Variants in ADK observed in about 807,000 individuals in gnomAD.
ADK encodes the protein N6,N6-dimethyladenosine kinase.
In ADK, 24 loss-of-function variants were observed where a neutral mutation model predicts 44.7. That is an observed-to-expected ratio of 0.54 (90% CI 0.39 to 0.76). ADK has a LOEUF of 0.76. ADK is among the 30% of genes least tolerant of loss of function. The pLI is 0.00. For synonymous variants in ADK, 128 were observed against 142.6 expected, an observed-to-expected ratio of 0.90 and a Z score of 0.73; for missense variants, 321 against 425.1, an observed-to-expected ratio of 0.76 and a Z score of 2.15.
rs367659598 is a variant in ADK at position 74,440,795 on chromosome 10, G to A, written c.555+42216G>A. On this transcript the variant is annotated intron_variant, in intron 6 of 10. Transcript: ENST00000539909. Reference sequence around the variant, plus strand: ...GAGGGTTGAATAGTATTCTTCCATTGTATATCTTAGGGAGGCATTATAAAG... The same window carrying A: ...GAGGGTTGAATAGTATTCTTCCATTATATATCTTAGGGAGGCATTATAAAG... Among the ~76,000 whole-genome samples, 193 of 152,128 alleles carry A rather than the reference G, an allele frequency of 1.3e-3. 4 individuals carry two copies. The South Asian group carries it at 0.039, about 30-fold the overall frequency.
chr10:74,616,250 T>A (rs1431024842), intron 9 of ADK, among the ~76,000 whole-genome samples: 2 of 152,228 alleles, frequency 1.3e-5, no homozygotes, highest in Non-Finnish European at 2.9e-5. Flanking sequence ...GTTTTCCCCT[T>A]ATGATTAATG....
chr10:74,504,698 A>G (rs1847988860), intron 6 of ADK, among the ~76,000 whole-genome samples: 2 of 152,138 alleles, frequency 1.3e-5, no homozygotes, highest in South Asian at 4.1e-4. Flanking sequence ...GGAGGTCATT[A>G]GATCATGGGG....
intron 6 of ADK, among the ~76,000 whole-genome samples, chr10:74,521,329 A>G (rs1433457802): frequency 6.6e-6 from 1 of 152,214 alleles, no homozygotes; most frequent in Non-Finnish European, 1.5e-5. Flanking sequence ...AATTGACATC[A>G]TACTATCCAT....
intron 3 of ADK, among the ~76,000 whole-genome samples, chr10:74,249,696 T>G (rs1032054600): frequency 1.3e-5 from 2 of 152,212 alleles, no homozygotes; most frequent in African/African-American, 2.4e-5. Context: ...TCGTAGAATC[T>G]TGCTCTTAGA....
intron 3 of ADK, among the ~76,000 whole-genome samples, chr10:74,266,839 G>T (rs1222540607): frequency 6.6e-6 from 1 of 152,042 alleles, no homozygotes; most frequent in Non-Finnish European, 1.5e-5. Flanking sequence ...TTTTCATATT[G>T]AAATTATATA....
At chr10:74,695,866 T>C (rs1285654044) in intron 10 of ADK, among the ~76,000 whole-genome samples, 2 of 151,634 alleles carry the variant, frequency 1.3e-5, no homozygotes, top group Non-Finnish European at 2.9e-5. Context: ...TCTTGAACTC[T>C]TGGGCTTAAG....
intron 4 of ADK, among the ~76,000 whole-genome samples, chr10:74,357,719 A>G (rs1040305643): frequency 6.6e-6 from 1 of 152,150 alleles, no homozygotes; most frequent in Admixed American, 6.5e-5. Context: ...AGTAGAAAAT[A>G]TGGTGCTAAT....
intron 6 of ADK, among the ~76,000 whole-genome samples, chr10:74,461,410 A>G (rs1846168816): frequency 6.6e-6 from 1 of 152,080 alleles, no homozygotes; most frequent in Admixed American, 6.5e-5. Context: ...AAAGCCTGGT[A>G]ATAGTATTTG....
chr10:74,518,595 G>T (rs1293806150), intron 6 of ADK, among the ~76,000 whole-genome samples: 2 of 152,046 alleles, frequency 1.3e-5, no homozygotes, highest in Non-Finnish European at 2.9e-5. Flanking sequence ...GGTTAAATTG[G>T]GGTGAAAACT....
chr10:74,336,218 AT>A (rs1335409609), intron 4 of ADK, among the ~76,000 whole-genome samples: 4 of 152,060 alleles, frequency 2.6e-5, no homozygotes, highest in African/African-American at 4.8e-5. Flanking sequence ...GTTTTTGATT[AT>A]TGTTTTTTGC....
At chr10:74,589,092 C>T (rs1851625740) in intron 7 of ADK, among the ~76,000 whole-genome samples, 190 bp from the exon 8 acceptor site, 1 of 151,990 alleles carries the variant, frequency 6.6e-6, no homozygotes, top group African/African-American at 2.4e-5. Context: ...TGACATTAGG[C>T]TGCCTTTTTT....
intron 7 of ADK, chr10:74,527,982 G>A: frequency 1.3e-6 from 1 of 797,836 alleles, no homozygotes; most frequent in Non-Finnish European, 2.2e-6. Context: ...AAAAATTATG[G>A]AAAAAGGCAC....
At chr10:74,480,116 G>T (rs1238207405) in intron 6 of ADK, among the ~76,000 whole-genome samples, 1 of 151,702 alleles carries the variant, frequency 6.6e-6, no homozygotes, top group Non-Finnish European at 1.5e-5. Context: ...CAGCTTGGCT[G>T]CATATAAAAT....
chr10:74,688,891 G>C (rs1027604055), intron 10 of ADK, among the ~76,000 whole-genome samples: 3 of 152,042 alleles, frequency 2.0e-5, no homozygotes, highest in Non-Finnish European at 2.9e-5. Flanking sequence ...ACTCCAGCCT[G>C]AGTGTGTATG....
intron 7 of ADK, among the ~76,000 whole-genome samples, chr10:74,532,798 G>A (rs1849333912): frequency 1.3e-5 from 2 of 151,814 alleles, no homozygotes; most frequent in Non-Finnish European, 2.9e-5. Context: ...CTACTTGGGA[G>A]GCTGAGGCAG....
chr10:74,376,353 A>T (rs989892833), intron 4 of ADK, among the ~76,000 whole-genome samples: 3 of 152,060 alleles, frequency 2.0e-5, no homozygotes, highest in Non-Finnish European at 4.4e-5. Flanking sequence ...TTCTTATCAT[A>T]TATCAAGTTT....
Position 74,371,979 on chromosome 10 carries a change from A to G in ADK, c.274-22162A>G, listed in dbSNP as rs1375918541. On this transcript the variant is annotated intron_variant, in intron 4 of 10. Transcript: ENST00000539909. ...TAACCTATCTACCGTTGCTTTGTGT[A>G]ACACAGATTCTCCTCTGCACTTTGT... 3 of 838,628 alleles carry G rather than the reference A, an allele frequency of 3.6e-6. No homozygotes were observed. The African/African-American group carries it at 5.0e-5, about 14-fold the overall frequency. The allele number at this position is 838,628 out of a possible 1,614,324, so 51.9% of individuals were successfully genotyped here.
At chr10:74,295,453 ACT>A (rs772954775) in intron 3 of ADK, among the ~76,000 whole-genome samples, 111 of 133,502 alleles carry the variant, frequency 8.3e-4, no homozygotes, top group Non-Finnish European at 1.5e-3. Flanking sequence ...CAAGAGCAAG[ACT>A]CTGTCTCAAA....
intron 4 of ADK, among the ~76,000 whole-genome samples, chr10:74,373,844 A>G (rs1418048637): frequency 6.6e-6 from 1 of 152,230 alleles, no homozygotes; most frequent in Non-Finnish European, 1.5e-5. Context: ...AAATGTTTAT[A>G]GCAGCATTAT....
Sources: allele counts gnomAD v4.1 joint callset (sites outside exome capture counted in the v4.1 genomes callset), GRCh38; gene constraint gnomAD v4.1.1; transcripts MANE v1.5; gene names NCBI Gene and HGNC (gene_info 2026-07-23, HGNC 2026-07-21).